FBP1: variants seen among roughly 807,000 people sequenced by gnomAD.
FBP1 encodes fructose-1,6-bisphosphatase 1.
A neutral mutation model predicts 29.9 loss-of-function variants in FBP1; 22 were observed. The observed-to-expected ratio is 0.74, with a 90% CI of 0.53 to 1.05. The LOEUF is 1.05. Among genes scored for constraint, FBP1 ranks in the 50% least tolerant of loss-of-function variants. The pLI, the probability that FBP1 is intolerant of heterozygous loss-of-function variation, is 0.00. For synonymous variants in FBP1, 175 were observed against 178.6 expected, an observed-to-expected ratio of 0.98 and a Z score of 0.16; for missense variants, 345 against 448.2, an observed-to-expected ratio of 0.77 and a Z score of 2.08.
rs184293712 is a variant in FBP1, at chr9:94,614,262, C to T, written c.426+3506G>A. On this transcript the variant is annotated intron_variant, in intron 3 of 6. Coordinates refer to ENST00000375326, the MANE Select transcript of FBP1 (RefSeq NM_000507.4). Reference sequence around the variant, plus strand: ...GAGAAAGAATAGTAGTAGTCGTGGCCGGGCGCGGTGGCTCACGCCTGTAAT... The same window carrying T: ...GAGAAAGAATAGTAGTAGTCGTGGCTGGGCGCGGTGGCTCACGCCTGTAAT... 2.4e-3 allele frequency among the ~76,000 whole-genome samples: 356 copies of T among 151,044 alleles called. 2 individuals carry two copies. Among genetic ancestry groups the T allele is most frequent in the East Asian group, 7.1e-3 (36 of 5,062 alleles).
At chr9:94,640,145 G>A (rs1338508914), upstream of FBP1, 1 of 152,146 alleles carries the variant, frequency 6.6e-6, no homozygotes, top group African/African-American at 2.4e-5. Flanking sequence ...TGTGAGTCTC[G>A]CCCGGAAGTT....
Position 94,618,035 on chromosome 9 carries a change from A to G in FBP1, c.334-175T>C, listed in dbSNP as rs187595780. On this transcript the variant is annotated intron_variant, in intron 2 of 6. Transcript: ENST00000375326. The stretch of plus-strand genomic sequence containing the variant: ...GCATACAGAATGCACAGATACACAC[A>G]CATACACACAAGACCATTAAACAGA... 1.4e-4 allele frequency among the ~76,000 whole-genome samples: 22 copies of G among 152,340 alleles called. No homozygotes were observed. The East Asian group carries it at 4.2e-3, about 29-fold the overall frequency.
Position 94,603,185 on chromosome 9 carries a change from CTT to C in FBP1, c.*194_*195del. The C allele has an allele frequency of 1.6e-6, 1 of 617,994 alleles. No individual in the cohort carries two copies. Among genetic ancestry groups the C allele is most frequent in the Non-Finnish European group, 2.9e-6 (1 of 341,186 alleles). The allele number at this position is 617,994 out of a possible 1,614,324, so 38.3% of individuals were successfully genotyped here. Reference sequence around the variant, plus strand: ...TCTCCTCCATCCACTCAAAATATATCTTAACACCAGTGGCATTATGGAGACAG... The same window carrying C: ...TCTCCTCCATCCACTCAAAATATATCAACACCAGTGGCATTATGGAGACAG... On this transcript the variant is annotated 3_prime_UTR_variant, in exon 7 of 7. Coordinates refer to ENST00000375326, the MANE Select transcript of FBP1 (RefSeq NM_000507.4).
intron 1 of FBP1, among the ~76,000 whole-genome samples, chr9:94,633,992 C>A (rs1828151741): frequency 6.6e-6 from 1 of 150,906 alleles, no homozygotes; most frequent in Admixed American, 6.6e-5. Flanking sequence ...AGGCGTGAGC[C>A]ACCGCGAAAG....
intron 4 of FBP1, among the ~76,000 whole-genome samples, chr9:94,608,312 C>T (rs1827731728): frequency 6.6e-6 from 1 of 152,214 alleles, no homozygotes; most frequent in South Asian, 2.1e-4. Context: ...GACAGAAGGG[C>T]TGGAATCAAA....
At chr9:94,613,773 GAAAAAAAAGAAGAA>G (rs1827820435) in intron 3 of FBP1, among the ~76,000 whole-genome samples, 1 of 113,826 alleles carries the variant, frequency 8.8e-6, no homozygotes, top group Non-Finnish European at 1.9e-5. Context: ...TCAAAAAAAA[GAAAAAAAAGAAGAA>G]AAAAAAAAGG....
chr9:94,636,142 T>G (rs767654798), intron 1 of FBP1, among the ~76,000 whole-genome samples: 8 of 152,168 alleles, frequency 5.3e-5, no homozygotes, highest in Non-Finnish European at 8.8e-5. Flanking sequence ...GAGTGCAACA[T>G]AGTATTTCTT....
intron 3 of FBP1, among the ~76,000 whole-genome samples, chr9:94,616,932 CTT>C (rs1491510144): frequency 2.0e-5 from 3 of 151,182 alleles, no homozygotes; most frequent in African/African-American, 7.3e-5. Flanking sequence ...CTCTCTCTCT[CTT>C]TCTCTCTCTC....
upstream of FBP1, among the ~76,000 whole-genome samples, chr9:94,639,889 C>T (rs1019948881): frequency 6.6e-6 from 1 of 152,090 alleles, no homozygotes; most frequent in African/African-American, 2.4e-5. Flanking sequence ...GGCAGCGAAA[C>T]CCGCAGCCAG....
At chr9:94,620,115 G>T (rs187829852) in intron 2 of FBP1, among the ~76,000 whole-genome samples, 1 of 152,286 alleles carries the variant, frequency 6.6e-6, no homozygotes, top group East Asian at 1.9e-4. Flanking sequence ...AGTCCACTGG[G>T]GAGAAGGCGG....
chr9:94,611,644 T>G (rs561172961), intron 3 of FBP1, among the ~76,000 whole-genome samples: 8 of 152,196 alleles, frequency 5.3e-5, no homozygotes, highest in African/African-American at 1.9e-4. Flanking sequence ...CTGTGGCTAC[T>G]AAGGAGGCTG....
intron 1 of FBP1, among the ~76,000 whole-genome samples, chr9:94,623,176 G>A (rs915758376): frequency 6.6e-6 from 1 of 151,990 alleles, no homozygotes; most frequent in African/African-American, 2.4e-5. Flanking sequence ...GTACAGACAG[G>A]GTTTCACCAT....
upstream of FBP1, among the ~76,000 whole-genome samples, chr9:94,639,704 C>G (rs1587871597): frequency 6.6e-6 from 1 of 150,954 alleles, no homozygotes; most frequent in Non-Finnish European, 1.5e-5. Flanking sequence ...CCTGCCGCCC[C>G]CTAGTCTTCC....
chr9:94,623,233 C>T lies in FBP1; in HGVS notation c.171-2742G>A, dbSNP rs1040691181. On this transcript the variant is annotated intron_variant, in intron 1 of 6. Coordinates refer to ENST00000375326, the MANE Select transcript of FBP1 (RefSeq NM_000507.4). ...CTCCTGACCTCAAGTGATCCACCCA[C>T]CTCAGCCTCCCAAAGTGCTGGGATT... Among the ~76,000 whole-genome samples the T allele has an allele frequency of 2.0e-4, 31 of 152,284 alleles. 1 individual carries two copies. The highest frequency in any genetic ancestry group is 7.0e-4 in the African/African-American group (29 of 41,546).
At chr9:94,616,210 G>T (rs1473072038) in intron 3 of FBP1, among the ~76,000 whole-genome samples, 1 of 152,092 alleles carries the variant, frequency 6.6e-6, no homozygotes, top group East Asian at 1.9e-4. Context: ...ATTCCAGCCT[G>T]TGAGGTTTCA....
intron 1 of FBP1, among the ~76,000 whole-genome samples, chr9:94,635,217 C>T (rs1828174839): frequency 6.6e-6 from 1 of 152,204 alleles, no homozygotes; most frequent in South Asian, 2.1e-4. Context: ...ATCCGGGGTT[C>T]CTGAGATCCC....
intron 3 of FBP1, among the ~76,000 whole-genome samples, chr9:94,616,859 G>T (rs1475465457): frequency 6.6e-6 from 1 of 151,800 alleles, no homozygotes; most frequent in Non-Finnish European, 1.5e-5. Context: ...TCGTATAATT[G>T]AGCACCTCTC....
chr9:94,614,604 T>C (rs1827836425), intron 3 of FBP1, among the ~76,000 whole-genome samples: 2 of 152,154 alleles, frequency 1.3e-5, no homozygotes, highest in South Asian at 4.1e-4. Context: ...GCATGCAACA[T>C]GACCACACAT....
At chr9:94,614,189 C>G (rs1210455138) in intron 3 of FBP1, among the ~76,000 whole-genome samples, 1 of 103,574 alleles carries the variant, frequency 9.7e-6, no homozygotes, top group Non-Finnish European at 1.8e-5. Flanking sequence ...CGAGGAGGAG[C>G]AGGGGGAGGA....
Sources: allele counts gnomAD v4.1 joint callset (sites outside exome capture counted in the v4.1 genomes callset), GRCh38; gene constraint gnomAD v4.1.1; transcripts MANE v1.5; gene names NCBI Gene and HGNC (gene_info 2026-07-23, HGNC 2026-07-21).